RGS17: variants seen among roughly 807,000 people sequenced by gnomAD.
The protein encoded by RGS17 is regulator of G-protein signaling 17.
A neutral mutation model predicts 25.5 loss-of-function variants in RGS17; 12 were observed. The ratio of observed to expected loss-of-function variants is 0.47; its 90% CI spans 0.30 to 0.76. RGS17 has a LOEUF of 0.76. Among genes scored for constraint, RGS17 ranks in the 30% least tolerant of loss-of-function variants. The probability of loss-of-function intolerance (pLI) is 0.07; values close to 1 mark genes in which losing one functional copy is unlikely to be tolerated. For missense variants in RGS17, 196 were observed against 242.2 expected (o/e 0.81, Z 1.27); for synonymous variants, 71 against 76.9 (o/e 0.92, Z 0.40).
intron 2 of RGS17, among the ~76,000 whole-genome samples, chr6:153,039,165 C>G (rs1045263932): frequency 6.6e-6 from 1 of 152,112 alleles, no homozygotes; most frequent in Non-Finnish European, 1.5e-5. Flanking sequence ...GGAAGTGTCA[C>G]ATTAAAGTGG....
intron 1 of RGS17, among the ~76,000 whole-genome samples, chr6:153,073,505 T>TGTTG (rs1776836649): frequency 1.3e-5 from 2 of 152,038 alleles, no homozygotes. Flanking sequence ...TTAAAAACGG[T>TGTTG]GTTGGCAAAT....
At chr6:153,122,866 T>C (rs1474648978) in intron 1 of RGS17, among the ~76,000 whole-genome samples, 2 of 151,758 alleles carry the variant, frequency 1.3e-5, no homozygotes, top group South Asian at 2.1e-4. Context: ...GAAAATCAAA[T>C]GTCAAGCCTC....
At chr6:153,110,305 T>A (rs1164644335) in intron 1 of RGS17, among the ~76,000 whole-genome samples, 1 of 152,128 alleles carries the variant, frequency 6.6e-6, no homozygotes, top group East Asian at 1.9e-4. Context: ...CCTTTCCTGG[T>A]TCTAGTTTCC....
chr6:153,034,285 A>C (rs1481217581), intron 2 of RGS17, among the ~76,000 whole-genome samples: 1 of 152,006 alleles, frequency 6.6e-6, no homozygotes, highest in African/African-American at 2.4e-5. Flanking sequence ...AAGTTACAAC[A>C]CTCTGGGAAT....
intron 2 of RGS17, among the ~76,000 whole-genome samples, chr6:153,042,542 A>T (rs567576844): frequency 6.6e-6 from 1 of 152,298 alleles, no homozygotes; most frequent in Admixed American, 6.5e-5. Context: ...AGCCCTGTGG[A>T]ACTGTGAGTC....
At position 153,011,694 on chromosome 6, in the gene RGS17, A is replaced by C; in HGVS notation, c.513T>G (p.Tyr171Ter). 1 of 1,613,348 alleles carries C rather than the reference A, an allele frequency of 6.2e-7. No individual in the cohort carries two copies. Among genetic ancestry groups the C allele is most frequent in the Non-Finnish European group, 8.5e-7 (1 of 1,179,410 alleles). ...TATATATCTGAAGTTGGGCATCTTC[A>C]TACATGTGAGGATTGGGATCCAACA... The part of the protein sequence containing the change: ...RNLLDPNPHM[Y>*]EDAQLQIYTL... Residue 171 changes from tyrosine (Y) to a stop codon, truncating the protein, a stop_gained, in exon 5 of 5, where the codon TAT becomes TAG. Coordinates refer to ENST00000206262, the MANE Select transcript of RGS17 (RefSeq NM_012419.5). LOFTEE classifies it high-confidence loss of function.
chr6:153,093,267 C>T (rs1033696898), intron 1 of RGS17, among the ~76,000 whole-genome samples: 6 of 152,018 alleles, frequency 3.9e-5, no homozygotes, highest in African/African-American at 7.2e-5. Flanking sequence ...TTTTATGGTG[C>T]GTTCATGCTA....
chr6:153,013,313 A>G (rs985406078), intron 4 of RGS17, among the ~76,000 whole-genome samples: 22 of 152,236 alleles, frequency 1.4e-4, no homozygotes, highest in African/African-American at 5.3e-4. Context: ...CCATGCCCAT[A>G]TAAGACTTAA....
intron 2 of RGS17, among the ~76,000 whole-genome samples, chr6:153,034,583 C>T (rs970036679): frequency 1.3e-5 from 2 of 152,204 alleles, no homozygotes; most frequent in African/African-American, 4.8e-5. Flanking sequence ...AGGAAGAAAC[C>T]GAGGCTCAGA....
chr6:153,071,304 T>G (rs762562968), intron 1 of RGS17, among the ~76,000 whole-genome samples: 1 of 151,702 alleles, frequency 6.6e-6, no homozygotes, highest in African/African-American at 2.4e-5. Context: ...ACACATAAAC[T>G]ATAAGGTACT....
intron 2 of RGS17, among the ~76,000 whole-genome samples, chr6:153,037,654 GACCTCGTGATCCACCC>G (rs1776266962): frequency 6.6e-6 from 1 of 151,840 alleles, no homozygotes; most frequent in Non-Finnish European, 1.5e-5. Flanking sequence ...TCAAACTCCT[GACCTCGTGATCCACCC>G]ACCTCGGCCT....
In RGS17 at chr6:153,005,062, C is replaced by T. The variant is rs1041412961; in HGVS notation, c.*6512G>A. Reference sequence around the variant, plus strand: ...TACAAGAAAGGTGTTTATGACAAATCGGTTAAAGCTAGCGGGAAATAGGTC... The same window carrying T: ...TACAAGAAAGGTGTTTATGACAAATTGGTTAAAGCTAGCGGGAAATAGGTC... On this transcript the variant is annotated 3_prime_UTR_variant, in exon 5 of 5. Transcript: ENST00000206262. 2.6e-5 allele frequency: 4 copies of T among 152,084 alleles called. No homozygotes were observed. Among genetic ancestry groups the T allele is most frequent in the African/African-American group, 7.2e-5 (3 of 41,410 alleles). 9.4% of individuals were successfully genotyped at this position (152,084 alleles called of 1,614,324 possible).
chr6:153,096,214 A>G (rs1038395556), intron 1 of RGS17, among the ~76,000 whole-genome samples: 2 of 152,250 alleles, frequency 1.3e-5, no homozygotes, highest in Admixed American at 6.5e-5. Flanking sequence ...AAGATACATC[A>G]TCATCTGCAA....
At chr6:153,089,980 T>G (rs1392622491) in intron 1 of RGS17, among the ~76,000 whole-genome samples, 1 of 152,160 alleles carries the variant, frequency 6.6e-6, no homozygotes, top group Non-Finnish European at 1.5e-5. Flanking sequence ...ACAACTCCCT[T>G]GGCAGCAGCA....
Position 153,009,638 on chromosome 6 carries a change from TAAAAG to T in RGS17, c.*1931_*1935del, listed in dbSNP as rs936003465. The T allele has an allele frequency of 6.6e-5, 10 of 152,130 alleles. No homozygotes were observed. The South Asian group carries it at 1.5e-3, about 22-fold the overall frequency. The allele number at this position is 152,130 out of a possible 1,614,324, so 9.4% of individuals were successfully genotyped here. A position where few individuals can be genotyped will look rare whatever the true frequency, so the allele number is the denominator to read the frequency against. On this transcript the variant is annotated 3_prime_UTR_variant, in exon 5 of 5. Coordinates refer to ENST00000206262, the MANE Select transcript of RGS17 (RefSeq NM_012419.5). ...ACTTTCAGAAAACACAGGCATTTGT[TAAAAG>T]AAATGATTATTATAAATATTTTCTA...
intron 1 of RGS17, among the ~76,000 whole-genome samples, chr6:153,123,331 A>T (rs890014659): frequency 2.0e-5 from 3 of 152,170 alleles, no homozygotes; most frequent in Non-Finnish European, 4.4e-5. Flanking sequence ...GCCCGGTCAA[A>T]GATTTAATGA....
intron 1 of RGS17, among the ~76,000 whole-genome samples, chr6:153,078,333 T>C (rs80352930): frequency 1.3e-5 from 2 of 152,302 alleles, no homozygotes; most frequent in Admixed American, 6.5e-5. Context: ...GGGATCTTCA[T>C]TGAGGTTGAA....
intron 1 of RGS17, among the ~76,000 whole-genome samples, chr6:153,068,662 G>A (rs985416872): frequency 2.0e-5 from 3 of 152,058 alleles, no homozygotes; most frequent in South Asian, 2.1e-4. Context: ...ATAGTGAAAC[G>A]ACAAGTCACA....
chr6:153,060,747 C>T (rs948536699), intron 1 of RGS17, among the ~76,000 whole-genome samples: 19 of 151,480 alleles, frequency 1.3e-4, no homozygotes, highest in African/African-American at 4.6e-4. Context: ...TCGGTGCCTA[C>T]TAATGTTTGT....
Sources: allele counts gnomAD v4.1 joint callset (sites outside exome capture counted in the v4.1 genomes callset), GRCh38; gene constraint gnomAD v4.1.1; transcripts MANE v1.5; gene names NCBI Gene and HGNC (gene_info 2026-07-23, HGNC 2026-07-21).